Variants in HIP1R observed in about 807,000 individuals in gnomAD.
The protein encoded by HIP1R is huntingtin-interacting protein 1-related protein.
Under a neutral mutation model 144.2 loss-of-function variants are expected in HIP1R, and 135 were observed. The observed-to-expected ratio is 0.94, with a 90% CI of 0.81 to 1.08. The LOEUF is 1.08. Ranked by LOEUF, HIP1R falls within the 50% of genes least tolerant of loss-of-function variation. The pLI is 0.00. For synonymous variants in HIP1R, 698 were observed against 612.8 expected, an observed-to-expected ratio of 1.14 and a Z score of -2.05; for missense variants, 1,462 against 1,432.8, an observed-to-expected ratio of 1.02 and a Z score of -0.33.
chr12:122,855,005 AG>A (rs2033521170), intron 9 of HIP1R, 43 bp downstream of exon 9: 2 of 1,613,184 alleles, frequency 1.2e-6, no homozygotes, highest in Non-Finnish European at 8.5e-7. Context: ...GGTGGGGGAG[AG>A]GCTCCGTGGC....
chr12:122,836,613 G>A lies in HIP1R; in HGVS notation c.93+970G>A, dbSNP rs1368082013. Among the ~76,000 whole-genome samples the A allele has an allele frequency of 6.6e-6, 1 of 152,180 alleles. No individual in the cohort carries two copies. Among genetic ancestry groups the A allele is most frequent in the African/African-American group, 2.4e-5 (1 of 41,438 alleles). ...TTGCCAAAATAAGTCAACCAAGACT[G>A]AAATGGCTGAAAAATTTTACTCTAG... On this transcript the variant is annotated intron_variant, in intron 1 of 31. Coordinates refer to ENST00000253083, the MANE Select transcript of HIP1R (RefSeq NM_003959.3). The surrounding 1 kb of genome is among the most constrained non-coding windows in gnomAD (Gnocchi z 4.1).
chr12:122,845,415 C>G (rs563041947), intron 1 of HIP1R, among the ~76,000 whole-genome samples: 46 of 152,384 alleles, frequency 3.0e-4, no homozygotes, highest in African/African-American at 1.0e-3. Flanking sequence ...AGCCGGCACC[C>G]TGCCCGGGAG....
chr12:122,853,753 G>T, intron 7 of HIP1R: 1 of 337,976 alleles, frequency 3.0e-6, no homozygotes, highest in East Asian at 5.4e-5. Flanking sequence ...CGTCACCCTT[G>T]TCAGTCGGGC....
In HIP1R at chr12:122,856,555, C is replaced by A; in HGVS notation, c.1518+7C>A. On this transcript the variant is annotated splice_region_variant and intron_variant, in intron 16 of 31. Transcript: ENST00000253083. ...GCGGGAGTCGGAGTTGAAGGTATGT[C>A]CCTTGTGGCACAGGGCCCTGCCCCG... 1.2e-6 allele frequency: 2 copies of A among 1,600,638 alleles called. No individual in the cohort carries two copies. The highest frequency in any genetic ancestry group is 1.7e-6 in the Non-Finnish European group (2 of 1,173,398).
At position 122,858,374 on chromosome 12, in the gene HIP1R, G is replaced by A. The variant is rs1200226766; in HGVS notation, c.1989G>A (p.Glu663=). 3 of 1,610,744 alleles carry A rather than the reference G, an allele frequency of 1.9e-6. No individual in the cohort carries two copies. The highest frequency in any genetic ancestry group is 1.7e-6 in the Non-Finnish European group (2 of 1,178,342). The part of the protein sequence containing the change: ...SPDYLVSRAQ[E]ALDAVSTLEE... ...ACTACCTGGTGAGCAGGGCCCAGGA[G>A]GCCTTGGATGCCGTGAGCACCCTGG... The change falls in exon 20 of 32, where the codon GAG becomes GAA. Residue 663 remains glutamate (E), a synonymous_variant. Transcript: ENST00000253083.
intron 6 of HIP1R, 141 bp from the exon 7 acceptor site, chr12:122,851,095 C>G (rs1376741601): frequency 4.6e-6 from 4 of 870,302 alleles, no homozygotes; most frequent in Non-Finnish European, 5.3e-6. Flanking sequence ...ACTTGAAGGA[C>G]TGTCGTCCTG....
At position 122,839,933 on chromosome 12, in the gene HIP1R, A is replaced by G. The variant is rs574809781; in HGVS notation, c.93+4290A>G. ...TACCGTGCCGGACAATGCAAGTGTTAGAATCACCTGGTGGCTTTTAGAAAA... is the reference window on the plus strand; with the variant it reads ...TACCGTGCCGGACAATGCAAGTGTTGGAATCACCTGGTGGCTTTTAGAAAA... On this transcript the variant is annotated intron_variant, in intron 1 of 31. Transcript: ENST00000253083. Among the ~76,000 whole-genome samples the G allele has an allele frequency of 4.6e-5, 7 of 152,374 alleles. No homozygotes were observed. In the East Asian group the frequency reaches 5.8e-4, roughly 13 times the overall value.
chr12:122,853,952 G>A, intron 7 of HIP1R, 91 bp from the exon 8 acceptor site: 1 of 1,457,500 alleles, frequency 6.9e-7, no homozygotes, highest in Non-Finnish European at 9.3e-7. Context: ...TGTGGGAGCT[G>A]GCTTAGGGCC....
chr12:122,860,022 C>G, intron 24 of HIP1R, 25 bp from the exon 25 acceptor site: 1 of 1,546,882 alleles, frequency 6.5e-7, no homozygotes. Flanking sequence ...AGAGCGGCAG[C>G]TAAGTCTCTC....
Position 122,858,412 on chromosome 12 carries a change from C to G in HIP1R, c.2027C>G (p.Ala676Gly). 1 of 1,609,772 alleles carries G rather than the reference C, an allele frequency of 6.2e-7. No homozygotes were observed. The highest frequency in any genetic ancestry group is 8.5e-7 in the Non-Finnish European group (1 of 1,177,670). ...GTGAGCACCCTGGAGGAGGGCCACG[C>G]CCAGTACCTGACCTCCTTGGCAGGT... ...DAVSTLEEGHAQYLTSLADAS... is the reference protein window; with the variant it reads ...DAVSTLEEGHGQYLTSLADAS... Residue 676 changes from alanine (A) to glycine (G), a missense_variant, in exon 20 of 32, where the codon GCC becomes GGC. Ala to Gly is a moderately conservative substitution (Grantham distance 60). Coordinates refer to ENST00000253083, the MANE Select transcript of HIP1R (RefSeq NM_003959.3).
At position 122,861,782 on chromosome 12, in the gene HIP1R, G is replaced by A. The variant is rs1317358445; in HGVS notation, c.*29G>A. ...CCCCAGGGGTCCAGCAGGGTGGCTG[G>A]TGACAGGCCTGGGCCTCTGCAACTG... On this transcript the variant is annotated 3_prime_UTR_variant, in exon 32 of 32. Coordinates refer to ENST00000253083, the MANE Select transcript of HIP1R (RefSeq NM_003959.3). The A allele has an allele frequency of 1.9e-6, 3 of 1,611,190 alleles. No homozygotes were observed. The highest frequency in any genetic ancestry group is 2.5e-6 in the Non-Finnish European group (3 of 1,177,782).
At chr12:122,841,897 T>C (rs2033069706) in intron 1 of HIP1R, among the ~76,000 whole-genome samples, 1 of 152,112 alleles carries the variant, frequency 6.6e-6, no homozygotes, top group Admixed American at 6.5e-5. Context: ...CATGCTCCCC[T>C]CGGGAGCTTT....
Position 122,860,525 on chromosome 12 carries a change from T to G in HIP1R, c.2660+2T>G, listed in dbSNP as rs780555183. The G allele has an allele frequency of 6.3e-7, 1 of 1,593,674 alleles. No homozygotes were observed. The highest frequency in any genetic ancestry group is 1.1e-5 in the South Asian group (1 of 90,666). Reference sequence around the variant, plus strand: ...GGGCTGGGGAGCCACACAGCTGGTGTAGGTTGCCCTGGGTGGGGGGGGGCA... The same window carrying G: ...GGGCTGGGGAGCCACACAGCTGGTGGAGGTTGCCCTGGGTGGGGGGGGGCA... On this transcript the variant is annotated splice_donor_variant, in intron 27 of 31. Transcript: ENST00000253083. LOFTEE classifies it high-confidence loss of function.
chr12:122,843,072 A>G (rs1323506988), intron 1 of HIP1R, among the ~76,000 whole-genome samples: 1 of 152,170 alleles, frequency 6.6e-6, no homozygotes, highest in African/African-American at 2.4e-5. Context: ...GATTTGAACA[A>G]ATCCTGATCC....
At position 122,860,401 on chromosome 12, in the gene HIP1R, C is replaced by T. The variant is rs771679740; in HGVS notation, c.2560-22C>T. 5.6e-6 allele frequency: 9 copies of T among 1,611,958 alleles called. No homozygotes were observed. In the South Asian group the frequency reaches 8.8e-5, roughly 16 times the overall value. ...GGTGTCCTTGACTGGCATGTCCTGC[C>T]CTGTTCTCCCGTCGCCACTAGGGGG... is the stretch of plus-strand genomic sequence containing the variant. On this transcript the variant is annotated intron_variant, in intron 26 of 31. Coordinates refer to ENST00000253083, the MANE Select transcript of HIP1R (RefSeq NM_003959.3).
intron 7 of HIP1R, among the ~76,000 whole-genome samples, chr12:122,853,236 G>A (rs903147850): frequency 6.7e-6 from 1 of 149,356 alleles, no homozygotes; most frequent in Non-Finnish European, 1.5e-5. Context: ...CAGGGGAGAC[G>A]GGCCCTGGGG....
At position 122,854,076 on chromosome 12, in the gene HIP1R, C is replaced by G; in HGVS notation, c.611C>G (p.Ser204Cys). ...FRQLNTAIAVSQMSSGQCRLA... is the reference protein window; with the variant it reads ...FRQLNTAIAVCQMSSGQCRLA... ...CAGCTCAACACGGCCATCGCCGTATCCCAGATGTCCTCAGGCCAGTGCCGC... is the reference window on the plus strand; with the variant it reads ...CAGCTCAACACGGCCATCGCCGTATGCCAGATGTCCTCAGGCCAGTGCCGC... Residue 204 changes from serine (S) to cysteine (C), a missense_variant, in exon 8 of 32, where the codon TCC becomes TGC. Transcript: ENST00000253083. The G allele has an allele frequency of 6.2e-7, 1 of 1,613,864 alleles. No homozygotes were observed. The highest frequency in any genetic ancestry group is 8.5e-7 in the Non-Finnish European group (1 of 1,179,930).
intron 22 of HIP1R, 35 bp from the exon 23 acceptor site, chr12:122,859,391 G>T (rs776326094): frequency 1.3e-6 from 2 of 1,567,598 alleles, no homozygotes; most frequent in African/African-American, 1.4e-5. Context: ...GGGGGGGGAC[G>T]GAGGCTACCC....
chr12:122,859,644 A>T, intron 23 of HIP1R, 108 bp downstream of exon 23: 2 of 1,358,236 alleles, frequency 1.5e-6, no homozygotes, highest in Non-Finnish European at 2.1e-6. Flanking sequence ...CAGCCTCCAG[A>T]CAGAGGACAG....
Sources: allele counts gnomAD v4.1 joint callset (sites outside exome capture counted in the v4.1 genomes callset), GRCh38; gene constraint gnomAD v4.1.1; non-coding constraint Gnocchi (gnomAD v3.1); transcripts MANE v1.5; gene names NCBI Gene and HGNC (gene_info 2026-07-23, HGNC 2026-07-21).